ABRAXAS2: variants seen among roughly 807,000 people sequenced by gnomAD.
ABRAXAS2 encodes BRISC complex subunit Abraxas 2.
ABRAXAS2 carries 23 observed loss-of-function variants against 49.0 expected under a neutral mutation model. The ratio of observed to expected loss-of-function variants is 0.47; its 90% CI spans 0.34 to 0.66. The LOEUF is 0.66. Among genes scored for constraint, ABRAXAS2 ranks in the 30% least tolerant of loss-of-function variants. The pLI is 0.01. For missense variants in ABRAXAS2, 443 were observed against 511.9 expected (o/e 0.87, Z 1.30); for synonymous variants, 168 against 180.2 (o/e 0.93, Z 0.54).
Position 124,835,030 on chromosome 10 carries a change from T to C in ABRAXAS2, c.*59T>C, listed in dbSNP as rs1950961305. ...TTTCTTCATTGCTTACTGAGAGGGT[T>C]TTTGAGAACTTAATCTGGGGGGAGA... is the stretch of plus-strand genomic sequence containing the variant. On this transcript the variant is annotated 3_prime_UTR_variant, in exon 9 of 9. Coordinates refer to ENST00000298492, the MANE Select transcript of ABRAXAS2 (RefSeq NM_032182.4). 6.8e-6 allele frequency: 9 copies of C among 1,330,282 alleles called. No individual in the cohort carries two copies. Among genetic ancestry groups the C allele is most frequent in the Non-Finnish European group, 8.3e-6 (8 of 969,472 alleles). 82.4% of individuals were successfully genotyped at this position (1,330,282 alleles called of 1,614,324 possible).
chr10:124,806,222 C>T (rs1433560368), intron 1 of ABRAXAS2, among the ~76,000 whole-genome samples: 1 of 151,286 alleles, frequency 6.6e-6, no homozygotes, highest in Non-Finnish European at 1.5e-5. Context: ...AGGAGAATGG[C>T]ATGAACCCGG....
In ABRAXAS2 at chr10:124,828,793, G is replaced by A; in HGVS notation, c.496G>A (p.Gly166Arg). Residue 166 changes from glycine (G) to arginine (R), a missense_variant, in exon 6 of 9, where the codon GGA becomes AGA. This residue lies in a region of ABRAXAS2 where 166 missense variants were observed against 247.3 expected (regional missense o/e 0.67). Transcript: ENST00000298492. ...QRISLAIPNLGNTSQQEYKVS... is the reference protein window; with the variant it reads ...QRISLAIPNLRNTSQQEYKVS... The stretch of plus-strand genomic sequence containing the variant: ...GATATCACTCGCTATTCCCAATCTA[G>A]GAAATACTAGCCAGCAAGAGTACAA... 1 of 1,613,600 alleles carries A rather than the reference G, an allele frequency of 6.2e-7. No homozygotes were observed.
chr10:124,829,922 A>G (rs577155528), intron 7 of ABRAXAS2, among the ~76,000 whole-genome samples: 1 of 152,324 alleles, frequency 6.6e-6, no homozygotes, highest in Admixed American at 6.5e-5. Flanking sequence ...GTTCACTCCT[A>G]GTCATTTATG....
intron 1 of ABRAXAS2, among the ~76,000 whole-genome samples, chr10:124,805,298 C>G (rs1305446388): frequency 6.7e-6 from 1 of 148,764 alleles, no homozygotes; most frequent in African/African-American, 2.5e-5. Flanking sequence ...TGCGCCACTG[C>G]AGTCCGCAGT....
rs776350312 is a variant in ABRAXAS2, at chr10:124,829,384, G to A, written c.579-9G>A. 1 of 1,592,640 alleles carries A rather than the reference G, an allele frequency of 6.3e-7. No homozygotes were observed. The highest frequency in any genetic ancestry group is 8.6e-7 in the Non-Finnish European group (1 of 1,165,406). ...ACCTTGAGGCATCTTTTTTCTGTTT[G>A]TCTTCCAGTACTGACTTTTTTGACA... On this transcript the variant is annotated splice_polypyrimidine_tract_variant and intron_variant, in intron 6 of 8. Transcript: ENST00000298492.
chr10:124,825,499 T>C (rs1411455772), intron 4 of ABRAXAS2, among the ~76,000 whole-genome samples: 1 of 152,198 alleles, frequency 6.6e-6, no homozygotes, highest in Non-Finnish European at 1.5e-5. Context: ...GCATATGATA[T>C]GAACTCAATG....
chr10:124,810,661 C>A (rs1037166648), intron 2 of ABRAXAS2, among the ~76,000 whole-genome samples: 1 of 151,102 alleles, frequency 6.6e-6, no homozygotes, highest in Non-Finnish European at 1.5e-5. Context: ...CAGCTCACTG[C>A]AGCCTCCACC....
chr10:124,828,541 T>A (rs1049323645), intron 5 of ABRAXAS2, among the ~76,000 whole-genome samples: 1 of 152,016 alleles, frequency 6.6e-6, no homozygotes, highest in Non-Finnish European at 1.5e-5. Context: ...ATTTTTTTTT[T>A]ATTTTTAGTA....
chr10:124,804,291 C>CA (rs1293638768), intron 1 of ABRAXAS2, among the ~76,000 whole-genome samples: 1 of 152,154 alleles, frequency 6.6e-6, no homozygotes, highest in African/African-American at 2.4e-5. Context: ...ACAGCACACT[C>CA]AGTTAATTTG....
intron 2 of ABRAXAS2, among the ~76,000 whole-genome samples, chr10:124,812,902 A>G (rs1042526328): frequency 1.3e-5 from 2 of 152,134 alleles, no homozygotes; most frequent in South Asian, 2.1e-4. Context: ...AAGACTCAAT[A>G]TAGAATATCA....
chr10:124,823,022 G>A (rs186756113), intron 4 of ABRAXAS2, among the ~76,000 whole-genome samples: 50 of 152,172 alleles, frequency 3.3e-4, no homozygotes, highest in Admixed American at 2.0e-3. Context: ...ACAAATGTTC[G>A]TGTTCTCCTT....
At position 124,834,560 on chromosome 10, in the gene ABRAXAS2, C is replaced by T. The variant is rs142697977; in HGVS notation, c.837C>T (p.Phe279=). 1.2e-6 allele frequency: 2 copies of T among 1,614,066 alleles called. No individual in the cohort carries two copies. The highest frequency in any genetic ancestry group is 1.7e-6 in the Non-Finnish European group (2 of 1,180,044). Residue 279 remains phenylalanine (F), a synonymous_variant, in exon 9 of 9, where the codon TTC becomes TTT. Transcript: ENST00000298492. ...CGTCTGAAAGCTTGGACCCAGCGTT[C>T]AGTCCTCGGATGCCGTCCTCTGGGT... ...QMPSESLDPA[F]SPRMPSSGFA...
chr10:124,814,101 C>T (rs1242996638), intron 2 of ABRAXAS2, among the ~76,000 whole-genome samples: 1 of 152,048 alleles, frequency 6.6e-6, no homozygotes, highest in African/African-American at 2.4e-5. Flanking sequence ...AAGCGGTTCT[C>T]CTGCCTCAGT....
chr10:124,826,770 T>A lies in ABRAXAS2; in HGVS notation c.443T>A (p.Phe148Tyr). 6.2e-7 allele frequency: 1 copy of A among 1,614,108 alleles called. No homozygotes were observed. Among genetic ancestry groups the A allele is most frequent in the Non-Finnish European group, 8.5e-7 (1 of 1,180,004 alleles). Reference protein sequence around the residue: ...NSTHALEYVLFRPNRRYNQRI... With the variant: ...NSTHALEYVLYRPNRRYNQRI... ...ACTCACGCTTTAGAATATGTGCTCT[T>A]CAGACCAAATAGAAGGTAAAGCTTG... The change falls in exon 5 of 9, where the codon TTC becomes TAC. Residue 148 changes from phenylalanine to tyrosine, a missense_variant. By Grantham distance (22) the Phe-to-Tyr change is conservative. Transcript: ENST00000298492.
Position 124,801,916 on chromosome 10 carries a change from C to T in ABRAXAS2, c.72+15C>T, listed in dbSNP as rs1950707464. The T allele has an allele frequency of 6.2e-7, 1 of 1,610,642 alleles. No homozygotes were observed. The highest frequency in any genetic ancestry group is 1.3e-5 in the African/African-American group (1 of 74,646). Reference sequence around the variant, plus strand: ...ACGCGGACCACGTAGGTGCCGGGCCCCCTGCCGCGCCCGCTGGGGGCTTTC... The same window carrying T: ...ACGCGGACCACGTAGGTGCCGGGCCTCCTGCCGCGCCCGCTGGGGGCTTTC... On this transcript the variant is annotated intron_variant, in intron 1 of 8. Coordinates refer to ENST00000298492, the MANE Select transcript of ABRAXAS2 (RefSeq NM_032182.4).
At position 124,829,423 on chromosome 10, in the gene ABRAXAS2, G is replaced by A; in HGVS notation, c.609G>A (p.Met203Ile). The A allele has an allele frequency of 6.2e-7, 1 of 1,611,322 alleles. No homozygotes were observed. Among genetic ancestry groups the A allele is most frequent in the Non-Finnish European group, 8.5e-7 (1 of 1,178,352 alleles). Residue 203 changes from methionine (M) to isoleucine (I), a missense_variant, in exon 7 of 9, where the codon ATG becomes ATA. Physicochemically the swap from Met to Ile is conservative, Grantham distance 10 (BLOSUM62 1). Transcript: ENST00000298492. Reference sequence around the variant, plus strand: ...ACTTTTTTGACAAGGATGGAGTGATGAAAGACATCAGGGCGATTTATCAGG... The same window carrying A: ...ACTTTTTTGACAAGGATGGAGTGATAAAAGACATCAGGGCGATTTATCAGG... ...GTDFFDKDGV[M>I]KDIRAIYQVY...
At position 124,834,852 on chromosome 10, in the gene ABRAXAS2, T is replaced by A. The variant is rs749632687; in HGVS notation, c.1129T>A (p.Tyr377Asn). 1 of 1,614,146 alleles carries A rather than the reference T, an allele frequency of 6.2e-7. No homozygotes were observed. Among genetic ancestry groups the A allele is most frequent in the South Asian group, 1.1e-5 (1 of 91,084 alleles). Residue 377 changes from tyrosine to asparagine, a missense_variant, in exon 9 of 9, where the codon TAT becomes AAT. Around this residue, in one of 3 missense-constraint regions of ABRAXAS2, gnomAD observed 230 missense variants for 237.0 expected, o/e 0.97. Coordinates refer to ENST00000298492, the MANE Select transcript of ABRAXAS2 (RefSeq NM_032182.4). Reference protein sequence around the residue: ...DSGEDSDDSDYENLIDPTEPS... With the variant: ...DSGEDSDDSDNENLIDPTEPS... Reference sequence around the variant, plus strand: ...TGGTGAGGATTCAGACGACAGTGATTATGAAAATTTGATTGACCCTACAGA... The same window carrying A: ...TGGTGAGGATTCAGACGACAGTGATAATGAAAATTTGATTGACCCTACAGA...
chr10:124,824,049 C>G lies in ABRAXAS2; in HGVS notation c.268-2546C>G, dbSNP rs1033088742. ...CCCCCTGCCTCAGCCTCCTGGGTAG[C>G]TAGGACCACAGGCGTGTGCTTTTTA... On this transcript the variant is annotated intron_variant, in intron 4 of 8. Coordinates refer to ENST00000298492, the MANE Select transcript of ABRAXAS2 (RefSeq NM_032182.4). 2.0e-5 allele frequency among the ~76,000 whole-genome samples: 3 copies of G among 152,198 alleles called. 1 individual carries two copies. The highest frequency in any genetic ancestry group is 2.0e-4 in the Admixed American group (3 of 15,284).
In ABRAXAS2 at chr10:124,826,627, T is replaced by C. The variant is rs780394384; in HGVS notation, c.300T>C (p.Asn100=). 2.5e-6 allele frequency: 4 copies of C among 1,614,130 alleles called. No individual in the cohort carries two copies. In the Admixed American group the frequency reaches 5.0e-5, roughly 20 times the overall value. ...TTGGGTGGTACAGATTCCGGCGCAATACGCAGCAGCAGATGTCCTACAGAG... is the reference window on the plus strand; with the variant it reads ...TTGGGTGGTACAGATTCCGGCGCAACACGCAGCAGCAGATGTCCTACAGAG... ...KVIGWYRFRR[N]TQQQMSYREQ... is the part of the protein sequence containing the mutation. The change falls in exon 5 of 9, where the codon AAT becomes AAC. Residue 100 remains asparagine, a synonymous_variant. Coordinates refer to ENST00000298492, the MANE Select transcript of ABRAXAS2 (RefSeq NM_032182.4).
Sources: allele counts gnomAD v4.1 joint callset (sites outside exome capture counted in the v4.1 genomes callset), GRCh38; gene constraint gnomAD v4.1.1; regional missense constraint gnomAD v4.1.1; transcripts MANE v1.5; gene names NCBI Gene and HGNC (gene_info 2026-07-23, HGNC 2026-07-21).